The following PDE1C variants were observed in gnomAD, a reference collection of about 807,000 sequenced individuals.
The protein encoded by PDE1C is dual specificity calcium/calmodulin-dependent 3',5'-cyclic nucleotide phosphodiesterase 1C.
In PDE1C, 62 loss-of-function variants were observed where a neutral mutation model predicts 93.1. The ratio of observed to expected loss-of-function variants is 0.67; its 90% CI spans 0.54 to 0.82. The LOEUF (loss-of-function observed/expected upper bound fraction) is 0.82, where lower values mean the gene tolerates loss of function less well. Among genes scored for constraint, PDE1C ranks in the 40% least tolerant of loss-of-function variants. The pLI is 0.00. For missense variants in PDE1C, 742 were observed against 884.6 expected, an observed-to-expected ratio of 0.84 and a Z score of 2.04; for synonymous variants, 325 against 310.1, an observed-to-expected ratio of 1.05 and a Z score of -0.50.
intron 1 of PDE1C, among the ~76,000 whole-genome samples, chr7:32,293,834 C>T (rs1382381896): frequency 1.3e-5 from 2 of 152,216 alleles, no homozygotes; most frequent in Non-Finnish European, 2.9e-5. Flanking sequence ...CCATCACTCC[C>T]AACCAGGTGT....
chr7:31,760,795 C>T (rs1304705347), intron 17 of PDE1C, among the ~76,000 whole-genome samples: 1 of 144,694 alleles, frequency 6.9e-6, no homozygotes, highest in Non-Finnish European at 1.5e-5. Context: ...CACACACACA[C>T]CAAACCACAT....
chr7:31,689,093 T>C, the PDE1C span, among the ~76,000 whole-genome samples: 1 of 152,196 alleles, frequency 6.6e-6, no homozygotes, highest in Admixed American at 6.5e-5. Context: ...TGTTATATAA[T>C]TTAAACAGTC....
chr7:31,980,517 T>C (rs948056623), intron 2 of PDE1C, among the ~76,000 whole-genome samples: 1 of 152,224 alleles, frequency 6.6e-6, no homozygotes, highest in African/African-American at 2.4e-5. Context: ...TTTTGGTTAA[T>C]ACTCTAGGAA....
chr7:32,154,326 C>T, intron 3 of PDE1C, among the ~76,000 whole-genome samples: 1 of 152,092 alleles, frequency 6.6e-6, no homozygotes, highest in East Asian at 1.9e-4. Context: ...AGATTAGGCA[C>T]TACACTAAAT....
intron 1 of PDE1C, among the ~76,000 whole-genome samples, chr7:32,238,363 C>T (rs1218258410): frequency 1.3e-5 from 2 of 152,142 alleles, no homozygotes; most frequent in African/African-American, 4.8e-5. Context: ...AGATATTGAT[C>T]CTCTTCATGA....
chr7:32,403,935 G>T (rs887803714), intron 1 of PDE1C, among the ~76,000 whole-genome samples: 56 of 152,028 alleles, frequency 3.7e-4, no homozygotes, highest in African/African-American at 1.4e-3. Flanking sequence ...AAGGACACAG[G>T]AAATCACAAT....
At chr7:32,188,593 A>C (rs1341924088) in intron 2 of PDE1C, among the ~76,000 whole-genome samples, 1 of 151,934 alleles carries the variant, frequency 6.6e-6, no homozygotes, top group Non-Finnish European at 1.5e-5. Context: ...TTCTCTTCTT[A>C]TGTCTTTCTG....
intron 1 of PDE1C, among the ~76,000 whole-genome samples, chr7:32,387,919 C>T (rs1784673565): frequency 2.0e-5 from 3 of 152,194 alleles, no homozygotes; most frequent in Admixed American, 6.5e-5. Flanking sequence ...CAAAAGGCAG[C>T]TCCAGTCAGC....
At chr7:32,175,668 C>T (rs1002642828) in intron 2 of PDE1C, among the ~76,000 whole-genome samples, 2 of 152,198 alleles carry the variant, frequency 1.3e-5, no homozygotes, top group Non-Finnish European at 2.9e-5. Flanking sequence ...AAACTGAATT[C>T]GTTTTCCCTA....
chr7:32,237,509 T>C (rs1808195970), intron 1 of PDE1C, among the ~76,000 whole-genome samples: 1 of 151,904 alleles, frequency 6.6e-6, no homozygotes, highest in Admixed American at 6.6e-5. Flanking sequence ...GGTACACATA[T>C]GAATTTAAAT....
At chr7:31,734,200 G>A in the PDE1C span, among the ~76,000 whole-genome samples, 1,019 of 152,148 alleles carry the variant, frequency 6.7e-3, 10 homozygotes, top group African/African-American at 0.023. Flanking sequence ...CCCCTGCCCT[G>A]GAAGAGCTGA....
intron 3 of PDE1C, among the ~76,000 whole-genome samples, chr7:32,077,565 T>A (rs1460066535): frequency 2.0e-5 from 3 of 152,100 alleles, no homozygotes; most frequent in Non-Finnish European, 4.4e-5. Context: ...CTTTTTTAAT[T>A]TATTTTATTT....
the PDE1C span, among the ~76,000 whole-genome samples, chr7:31,702,950 G>A: frequency 4.6e-5 from 7 of 152,184 alleles, no homozygotes; most frequent in South Asian, 2.1e-4. Flanking sequence ...AGTCATCCCA[G>A]TATACGAAAT....
intron 17 of PDE1C, among the ~76,000 whole-genome samples, chr7:31,763,198 G>A (rs948513219): frequency 3.0e-4 from 45 of 152,272 alleles, no homozygotes; most frequent in African/African-American, 1.0e-3. Flanking sequence ...ATAATGGGGC[G>A]GCCAACCTGC....
At chr7:32,312,833 C>T (rs1783080333) in intron 1 of PDE1C, among the ~76,000 whole-genome samples, 1 of 152,182 alleles carries the variant, frequency 6.6e-6, no homozygotes, top group Non-Finnish European at 1.5e-5. Context: ...CCATTCAGGA[C>T]ATAGGCATAG....
intron 1 of PDE1C, among the ~76,000 whole-genome samples, chr7:32,357,340 A>C (rs1002161451): frequency 1.3e-5 from 2 of 151,976 alleles, no homozygotes; most frequent in Non-Finnish European, 2.9e-5. Flanking sequence ...TCACACACAA[A>C]AAAAAAACCT....
At position 32,091,626 on chromosome 7, in the gene PDE1C, G is replaced by A. The variant is rs1034779273; in HGVS notation, c.308+78159C>T. Among the ~76,000 whole-genome samples the A allele has an allele frequency of 5.3e-5, 8 of 152,260 alleles. 1 individual carries two copies. The South Asian group carries it at 8.3e-4, about 16-fold the overall frequency. On this transcript the variant is annotated intron_variant, in intron 3 of 18. Coordinates refer to the PDE1C transcript ENST00000396193. ...TGGCTGGTGGTTCAAGAAGCAAGGTGGCTAATGTAGGTGGAGTTGGAAGAG... is the reference window on the plus strand; with the variant it reads ...TGGCTGGTGGTTCAAGAAGCAAGGTAGCTAATGTAGGTGGAGTTGGAAGAG...
intron 17 of PDE1C, among the ~76,000 whole-genome samples, chr7:31,760,491 T>C (rs1393872931): frequency 6.6e-6 from 1 of 152,110 alleles, no homozygotes; most frequent in Non-Finnish European, 1.5e-5. Flanking sequence ...TTCAATCCAC[T>C]GTGACTTCAG....
intron 6 of PDE1C, among the ~76,000 whole-genome samples, chr7:31,869,501 T>C (rs1233934233): frequency 6.6e-6 from 1 of 151,630 alleles, no homozygotes; most frequent in African/African-American, 2.4e-5. Context: ...AGACTTTAAG[T>C]CAAAAATGGT....
Sources: gnomAD v4.1 joint callset for allele counts (sites outside exome capture counted in the v4.1 genomes callset) on GRCh38, gnomAD v4.1.1 for gene constraint, MANE v1.5 for transcripts, NCBI Gene and HGNC (gene_info 2026-07-23, HGNC 2026-07-21) for gene names.